The following MGAT5 variants were observed in gnomAD, a reference collection of about 807,000 sequenced individuals.
MGAT5 encodes the protein alpha-1,6-mannosylglycoprotein 6-beta-N-acetylglucosaminyltransferase A.
In MGAT5, 30 loss-of-function variants were observed where a neutral mutation model predicts 94.3. That is an observed-to-expected ratio of 0.32 (90% confidence interval 0.24 to 0.43). MGAT5 has a LOEUF of 0.43. MGAT5 is among the 20% of genes least tolerant of loss of function. The probability of loss-of-function intolerance (pLI) is 1.00; values close to 1 mark genes in which losing one functional copy is unlikely to be tolerated. For synonymous variants in MGAT5, 310 were observed against 322.9 expected (o/e 0.96, Z 0.43); for missense variants, 691 against 905.5 (o/e 0.76, Z 3.04).
intron 1 of MGAT5, among the ~76,000 whole-genome samples, chr2:134,132,900 T>G (rs1459272653): frequency 6.6e-6 from 1 of 152,234 alleles, no homozygotes; most frequent in East Asian, 1.9e-4. Flanking sequence ...TACACCCGAT[T>G]GGCTTATATA....
At chr2:134,432,054 T>C (rs1684911220) in intron 14 of MGAT5, among the ~76,000 whole-genome samples, 1 of 152,246 alleles carries the variant, frequency 6.6e-6, no homozygotes, top group African/African-American at 2.4e-5. Context: ...TTCTTTGTAA[T>C]CTAAGATCAA....
intron 1 of MGAT5, among the ~76,000 whole-genome samples, chr2:134,206,252 T>C (rs1680016724): frequency 6.6e-6 from 1 of 152,204 alleles, no homozygotes; most frequent in Non-Finnish European, 1.5e-5. Flanking sequence ...TTTCTGAAGC[T>C]TCTAATGGCC....
intron 10 of MGAT5, among the ~76,000 whole-genome samples, chr2:134,390,121 T>A (rs1325931734): frequency 6.6e-6 from 1 of 152,228 alleles, no homozygotes; most frequent in African/African-American, 2.4e-5. Flanking sequence ...ATATGGATAC[T>A]AATTTATTGA....
Position 134,254,301 on chromosome 2 carries a change from G to A in MGAT5, c.-103G>A. ...GGAAAGGCAACCAGCTGACACAGGA[G>A]CCAGAGTGAGACCAGCAGACTCTCA... On this transcript the variant is annotated 5_prime_UTR_variant, in exon 1 of 16. Coordinates refer to ENST00000281923, the MANE Select transcript of MGAT5 (RefSeq NM_002410.5). 2.1e-6 allele frequency: 3 copies of A among 1,440,260 alleles called. No homozygotes were observed. The South Asian group carries it at 4.0e-5, about 19-fold the overall frequency. The allele number at this position is 1,440,260 out of a possible 1,614,324, so 89.2% of individuals were successfully genotyped here.
intron 15 of MGAT5, 45 bp from the exon 16 acceptor site, chr2:134,448,604 C>G (rs778137292): frequency 6.3e-7 from 1 of 1,579,728 alleles, no homozygotes; most frequent in South Asian, 1.1e-5. Context: ...AGGAAAGGCT[C>G]TGTCCCTTCA....
chr2:134,238,642 CCTGATGA>C (rs1366357797), intron 1 of MGAT5, among the ~76,000 whole-genome samples: 3 of 152,144 alleles, frequency 2.0e-5, no homozygotes, highest in Admixed American at 6.5e-5. Context: ...AGGCTGTTGC[CCTGATGA>C]AATATGGCCC....
intron 2 of MGAT5, among the ~76,000 whole-genome samples, chr2:134,297,867 T>C (rs1267989698): frequency 1.3e-5 from 2 of 152,184 alleles, no homozygotes; most frequent in African/African-American, 4.8e-5. Flanking sequence ...AAGGGATTTG[T>C]TGTATCATTC....
chr2:134,260,494 C>T (rs3791259), intron 1 of MGAT5, among the ~76,000 whole-genome samples: 21,133 of 152,104 alleles, frequency 0.14, 2,429 homozygotes, highest in East Asian at 0.36. Flanking sequence ...ATCCAGATAA[C>T]GTTCTGAGAT....
chr2:134,301,345 G>T (rs72978136), intron 2 of MGAT5, among the ~76,000 whole-genome samples: 1 of 152,100 alleles, frequency 6.6e-6, no homozygotes, highest in Non-Finnish European at 1.5e-5. Flanking sequence ...ACATGAGCCT[G>T]TCTTTTTTTC....
rs911061542 is a variant in MGAT5, at chr2:134,178,473, T to C, written c.-143+58182T>C. On this transcript the variant is annotated intron_variant, in intron 1 of 16. Transcript: ENST00000409645. ...AGGTTATCCCACCCAGCAAATGGAG[T>C]TGGGAGAGAGACCCAGGCACCTTCC... Among the ~76,000 whole-genome samples the C allele has an allele frequency of 7.9e-5, 12 of 152,056 alleles. No individual in the cohort carries two copies. The South Asian group carries it at 2.1e-3, about 26-fold the overall frequency.
chr2:134,283,593 G>A (rs1472847064), intron 2 of MGAT5, among the ~76,000 whole-genome samples: 1 of 146,310 alleles, frequency 6.8e-6, no homozygotes, highest in Non-Finnish European at 1.5e-5. Context: ...CTTCTTGTCT[G>A]TAGGTGCCTG....
chr2:134,262,861 A>G (rs1313563362), intron 1 of MGAT5, among the ~76,000 whole-genome samples: 1 of 152,248 alleles, frequency 6.6e-6, no homozygotes, highest in African/African-American at 2.4e-5. Flanking sequence ...TTACAGGGGT[A>G]GAGCCTGACC....
chr2:134,409,113 G>C (rs146246877), intron 11 of MGAT5, among the ~76,000 whole-genome samples: 1 of 152,122 alleles, frequency 6.6e-6, no homozygotes, highest in African/African-American at 2.4e-5. Flanking sequence ...CGTAAACTCC[G>C]TCTAAATGAT....
rs148283535 is a variant in MGAT5, at chr2:134,208,168, A to G, written c.-142-46094A>G. On this transcript the variant is annotated intron_variant, in intron 1 of 16. Transcript: ENST00000409645. ...TTTTTTTTTTTTTAAGCAGACCAGT[A>G]TTTTCCAAACTTTGGACTTAGTTTC... 3.5e-3 allele frequency among the ~76,000 whole-genome samples: 537 copies of G among 151,634 alleles called. 4 individuals carry two copies. Among genetic ancestry groups the G allele is most frequent in the African/African-American group, 0.011 (439 of 41,306 alleles).
At chr2:134,330,554 AGTGTGTGTGTGTGTGTGTGT>A (rs34688054) in intron 4 of MGAT5, among the ~76,000 whole-genome samples, 81,005 of 148,574 alleles carry the variant, frequency 0.55, 25,133 homozygotes, top group Non-Finnish European at 0.7. Flanking sequence ...TAAATTGTGT[AGTGTGTGTGTGTGTGTGTGT>A]GTGTGTGTGT....
chr2:134,262,459 G>T (rs911107445), intron 1 of MGAT5, among the ~76,000 whole-genome samples: 2 of 151,726 alleles, frequency 1.3e-5, no homozygotes, highest in African/African-American at 4.9e-5. Flanking sequence ...GCCCAGGCTG[G>T]TCTCAAACTC....
At chr2:134,229,539 A>G (rs763224949) in intron 1 of MGAT5, among the ~76,000 whole-genome samples, 8 of 152,224 alleles carry the variant, frequency 5.3e-5, no homozygotes, top group Non-Finnish European at 7.3e-5. Context: ...AAAATATTCT[A>G]TAACTGATAA....
chr2:134,237,123 A>ATGTGTATGTGTGTGTG (rs367744090), intron 1 of MGAT5, among the ~76,000 whole-genome samples: 1,695 of 140,670 alleles, frequency 0.012, 16 homozygotes, highest in African/African-American at 0.019. Flanking sequence ...GAAGGAGTAT[A>ATGTGTATGTGTGTGTG]TGTGTGTGTG....
chr2:134,191,640 C>G (rs868067034), intron 1 of MGAT5, among the ~76,000 whole-genome samples: 2 of 149,248 alleles, frequency 1.3e-5, no homozygotes, highest in Non-Finnish European at 3.0e-5. Context: ...CTCGCGCGAG[C>G]GGGTTCCTGA....
Sources: gnomAD v4.1 joint callset for allele counts (sites outside exome capture counted in the v4.1 genomes callset) on GRCh38, gnomAD v4.1.1 for gene constraint, MANE v1.5 for transcripts, NCBI Gene and HGNC (gene_info 2026-07-23, HGNC 2026-07-21) for gene names.